DNMT1: variants seen among roughly 807,000 people sequenced by gnomAD.
DNMT1 encodes the protein DNA (cytosine-5)-methyltransferase 1.
A neutral mutation model predicts 205.3 loss-of-function variants in DNMT1; 24 were observed. The observed-to-expected ratio is 0.12, with a 90% confidence interval of 0.08 to 0.16. DNMT1 has a LOEUF of 0.16. DNMT1 is among the 10% of genes least tolerant of loss of function. The probability of loss-of-function intolerance (pLI) is 1.00; values close to 1 mark genes in which losing one functional copy is unlikely to be tolerated. For missense variants in DNMT1, 1,293 were observed against 2,177.7 expected (o/e 0.59, Z 8.09); for synonymous variants, 817 against 839.8 (o/e 0.97, Z 0.47).
chr19:10,175,086 C>T (rs915538998), intron 7 of DNMT1, among the ~76,000 whole-genome samples: 2 of 54,152 alleles, frequency 3.7e-5, no homozygotes, highest in Non-Finnish European at 7.9e-5. Flanking sequence ...TACATACATA[C>T]ACACACACAC....
rs1337257134 is a variant in DNMT1 at position 10,137,293 on chromosome 19, G to T, written c.4294-13C>A. 9 of 1,595,670 alleles carry T rather than the reference G, an allele frequency of 5.6e-6. No individual in the cohort carries two copies. Among genetic ancestry groups the T allele is most frequent in the African/African-American group, 2.7e-5 (2 of 74,660 alleles). On this transcript the variant is annotated splice_polypyrimidine_tract_variant and intron_variant, in intron 36 of 40. Coordinates refer to ENST00000359526, the MANE Select transcript of DNMT1 (RefSeq NM_001130823.3). This position sits in a 1 kb window ranked among gnomAD's most constrained non-coding sequence, Gnocchi z 6.4. ...ATGCACTCATGTCCTGAAAGAGTGT[G>T]GGGGGCCCAGCTGTCACCTCATGTG...
chr19:10,181,850 A>C lies in DNMT1; in HGVS notation c.117+191T>G, dbSNP rs367788440. ...TCTCAAAAAACAAAAACAACAACAA[A>C]AAAAAACACCACCACCACCCAACTA... On this transcript the variant is annotated intron_variant, in intron 2 of 40. Coordinates refer to ENST00000359526, the MANE Select transcript of DNMT1 (RefSeq NM_001130823.3). 1.8e-4 allele frequency among the ~76,000 whole-genome samples: 27 copies of C among 152,146 alleles called. No individual in the cohort carries two copies. In the South Asian group the frequency reaches 2.1e-3, roughly 12 times the overall value.
rs1318215996 is a variant in DNMT1 at position 10,149,148 on chromosome 19, A to AC, written c.2587-132dup. 25 of 1,300,660 alleles carry AC rather than the reference A, an allele frequency of 1.9e-5. No individual in the cohort carries two copies. The African/African-American group carries it at 3.4e-4, about 18-fold the overall frequency. 80.6% of individuals were successfully genotyped at this position (1,300,660 alleles called of 1,614,324 possible). Reference sequence around the variant, plus strand: ...AGACCAGCCTGGCCAACATGGTGAAACCCCGTCTCTACTAAAAATACAAAA... The same window carrying AC: ...AGACCAGCCTGGCCAACATGGTGAAACCCCCGTCTCTACTAAAAATACAAAA... On this transcript the variant is annotated intron_variant, in intron 26 of 40. Coordinates refer to ENST00000359526, the MANE Select transcript of DNMT1 (RefSeq NM_001130823.3).
In DNMT1 at chr19:10,143,782, C is replaced by G. The variant is rs2089647469; in HGVS notation, c.3100G>C (p.Val1034Leu). Reference sequence around the variant, plus strand: ...TCTGCTGACCTGTAGAACTTGTTGACCCGGATTTTGATGTCAGTCTCATTG... The same window carrying G: ...TCTGCTGACCTGTAGAACTTGTTGAGCCGGATTTTGATGTCAGTCTCATTG... ...RPNETDIKIRVNKFYRPENTH... is the reference protein window; with the variant it reads ...RPNETDIKIRLNKFYRPENTH... Residue 1034 changes from valine to leucine, a missense_variant, in exon 29 of 41, where the codon GTC (valine) becomes CTC (leucine). This residue lies in a region of DNMT1 where 167 missense variants were observed against 258.1 expected (regional missense o/e 0.65). Transcript: ENST00000359526. 1 of 1,613,960 alleles carries G rather than the reference C, an allele frequency of 6.2e-7. No homozygotes were observed.
At chr19:10,192,906 G>A (rs192241988) in intron 1 of DNMT1, among the ~76,000 whole-genome samples, 1 of 152,046 alleles carries the variant, frequency 6.6e-6, no homozygotes, top group East Asian at 1.9e-4. Context: ...AATTAGCCAG[G>A]CGTGGTGGTG....
Position 10,154,812 on chromosome 19 carries a change from C to G in DNMT1, c.1645-39G>C. ...AGGTTTCTCTCATGCTTAAGCCAAACTGGCCTAAATCCAACTGAAGAACAG... is the reference window on the plus strand; with the variant it reads ...AGGTTTCTCTCATGCTTAAGCCAAAGTGGCCTAAATCCAACTGAAGAACAG... On this transcript the variant is annotated intron_variant, in intron 20 of 40. Coordinates refer to ENST00000359526, the MANE Select transcript of DNMT1 (RefSeq NM_001130823.3). The surrounding 1 kb of genome is among the most constrained non-coding windows in gnomAD (Gnocchi z 6.3). The G allele has an allele frequency of 6.2e-7, 1 of 1,614,224 alleles. No individual in the cohort carries two copies. The highest frequency in any genetic ancestry group is 8.5e-7 in the Non-Finnish European group (1 of 1,180,044).
chr19:10,180,227 T>C lies in DNMT1; in HGVS notation c.453A>G (p.Arg151=), dbSNP rs1038239884. ...CTTGGGAGGCTGAGGCAGGAGGGTCTCTTGAACCTGGGAGGCAGAGGTTAC... is the reference window on the plus strand; with the variant it reads ...CTTGGGAGGCTGAGGCAGGAGGGTCCCTTGAACCTGGGAGGCAGAGGTTAC... ...SKSDGEAKRS[R]DPPASASQVT... is the part of the protein sequence containing the mutation. Residue 151 remains arginine (R), a synonymous_variant, in exon 5 of 41, where the codon AGA becomes AGG. Transcript: ENST00000359526. 4 of 1,202,414 alleles carry C rather than the reference T, an allele frequency of 3.3e-6. No individual in the cohort carries two copies. In the African/African-American group the frequency reaches 4.5e-5, roughly 14 times the overall value. The allele number at this position is 1,202,414 out of a possible 1,614,324, so 74.5% of individuals were successfully genotyped here.
At chr19:10,168,815 A>C (rs1285684571) in intron 9 of DNMT1, among the ~76,000 whole-genome samples, 4 of 152,176 alleles carry the variant, frequency 2.6e-5, no homozygotes, top group Non-Finnish European at 5.9e-5. Flanking sequence ...AGACACAACA[A>C]CACATCCTCT....
Position 10,154,340 on chromosome 19 carries a change from C to G in DNMT1, c.1972G>C (p.Glu658Gln), listed in dbSNP as rs756254318. Residue 658 changes from glutamate (E) to glutamine (Q), a missense_variant, in exon 22 of 41, where the codon GAA becomes CAA. By Grantham distance (29) the Glu-to-Gln change is conservative. Around this residue, in one of 13 missense-constraint regions of DNMT1, gnomAD observed 197 missense variants for 353.6 expected, o/e 0.56. Coordinates refer to ENST00000359526, the MANE Select transcript of DNMT1 (RefSeq NM_001130823.3). This position sits in a 1 kb window ranked among gnomAD's most constrained non-coding sequence, Gnocchi z 6.3. ...CGCTTAAAGGCGTTCTCCTTGTCTTCTCTGTCATCCTTTTCAATTTGCTCT... is the reference window on the plus strand; with the variant it reads ...CGCTTAAAGGCGTTCTCCTTGTCTTGTCTGTCATCCTTTTCAATTTGCTCT... The part of the protein sequence containing the change: ...FAEQIEKDDR[E>Q]DKENAFKRRR... 1.2e-6 allele frequency: 2 copies of G among 1,614,246 alleles called. No homozygotes were observed. Among genetic ancestry groups the G allele is most frequent in the Admixed American group, 3.3e-5 (2 of 60,034 alleles).
chr19:10,159,813 A>T lies in DNMT1; in HGVS notation c.1170+29T>A, dbSNP rs1245046894. On this transcript the variant is annotated intron_variant, in intron 16 of 40. Transcript: ENST00000359526. The surrounding 1 kb of genome is among the most constrained non-coding windows in gnomAD (Gnocchi z 5.0). ...GAGCAGTGGGACAAGGGACAGGCAGAGGAAGGCTGGGAAGAGAGCTGTACG... is the reference window on the plus strand; with the variant it reads ...GAGCAGTGGGACAAGGGACAGGCAGTGGAAGGCTGGGAAGAGAGCTGTACG... 6.2e-7 allele frequency: 1 copy of T among 1,614,106 alleles called. No individual in the cohort carries two copies. The highest frequency in any genetic ancestry group is 2.2e-5 in the East Asian group (1 of 44,894).
intron 1 of DNMT1, among the ~76,000 whole-genome samples, chr19:10,182,406 CATATATATGTGTATATATATGT>C (rs2039070627): frequency 1.4e-5 from 1 of 73,226 alleles, no homozygotes; most frequent in African/African-American, 5.1e-5. Flanking sequence ...TATATATATA[CATATATATGTGTATATATATGT>C]GTGTATATAT....
rs1430311136 is a variant in DNMT1, at chr19:10,166,656, G to C, written c.833C>G (p.Pro278Arg). The change falls in exon 11 of 41, where the codon CCG becomes CGG. Residue 278 changes from proline to arginine, a missense_variant. Physicochemically the swap from Pro to Arg is moderately radical, Grantham distance 103. This residue lies in a region of DNMT1 where 394 missense variants were observed against 451.6 expected (regional missense o/e 0.87). Coordinates refer to ENST00000359526, the MANE Select transcript of DNMT1 (RefSeq NM_001130823.3). ...CACGCCTGCCCTGGCTTCTCTGTCC[G>C]GCTCCTCCTTCAGTTTCTGTTTGGG... ...PTPKQKLKEE[P>R]DREARAGVQA... 1 of 1,614,140 alleles carries C rather than the reference G, an allele frequency of 6.2e-7. No individual in the cohort carries two copies. The highest frequency in any genetic ancestry group is 8.5e-7 in the Non-Finnish European group (1 of 1,180,016).
Position 10,173,139 on chromosome 19 carries a change from C to T in DNMT1, c.719G>A (p.Arg240Lys). ...TTCAGTGCGCGTTCCTGATTTTGCTCTTTCAGGTTCTTCTGCAGGAAGCGG... is the reference window on the plus strand; with the variant it reads ...TTCAGTGCGCGTTCCTGATTTTGCTTTTTCAGGTTCTTCTGCAGGAAGCGG... ...ARPLPAEEPE[R>K]AKSGTRTEKE... is the part of the protein sequence containing the mutation. The change falls in exon 9 of 41, where the codon AGA becomes AAA. Residue 240 changes from arginine to lysine, a missense_variant. Arg to Lys is a conservative substitution (Grantham distance 26). Coordinates refer to ENST00000359526, the MANE Select transcript of DNMT1 (RefSeq NM_001130823.3). 6.2e-7 allele frequency: 1 copy of T among 1,614,146 alleles called. No individual in the cohort carries two copies. The highest frequency in any genetic ancestry group is 8.5e-7 in the Non-Finnish European group (1 of 1,180,032).
At chr19:10,143,609 CATT>C (rs2089644496) in intron 29 of DNMT1, among the ~76,000 whole-genome samples, 154 bp downstream of exon 29, 1 of 152,102 alleles carries the variant, frequency 6.6e-6, no homozygotes, top group South Asian at 2.1e-4. Flanking sequence ...GAATTCTAGT[CATT>C]ATCAGTGCCC....
chr19:10,192,652 G>C (rs1037319054), intron 1 of DNMT1, among the ~76,000 whole-genome samples: 61 of 152,108 alleles, frequency 4.0e-4, no homozygotes, highest in African/African-American at 1.4e-3. Context: ...TCTCTGAATT[G>C]GGTGTAACAT....
At chr19:10,139,997 G>A in intron 33 of DNMT1, 49 bp downstream of exon 33, 1 of 1,601,846 alleles carries the variant, frequency 6.2e-7, no homozygotes. Context: ...CTGACATGCG[G>A]CACAGCCCCG....
At chr19:10,164,470 A>T (rs1489578516) in intron 11 of DNMT1, among the ~76,000 whole-genome samples, 2 of 152,122 alleles carry the variant, frequency 1.3e-5, no homozygotes, top group Non-Finnish European at 2.9e-5. Flanking sequence ...AAAAGTAGAC[A>T]TCCATGGTGG....
rs1167134440 is a variant in DNMT1 at position 10,156,700 on chromosome 19, C to A, written c.1281-191G>T. On this transcript the variant is annotated intron_variant, in intron 17 of 40. Transcript: ENST00000359526. The surrounding 1 kb of genome is among the most constrained non-coding windows in gnomAD (Gnocchi z 4.2). ...TGGCATAATCTTGGCTCACTGCAGC[C>A]TCCACCTCCCGGGTTCAAGTAATTC... Among the ~76,000 whole-genome samples, 5 of 152,188 alleles carry A rather than the reference C, an allele frequency of 3.3e-5. No homozygotes were observed. Among genetic ancestry groups the A allele is most frequent in the Admixed American group, 2.0e-4 (3 of 15,276 alleles).
chr19:10,182,478 CATAT>C (rs1236861107), intron 1 of DNMT1, among the ~76,000 whole-genome samples: 1 of 108,780 alleles, frequency 9.2e-6, no homozygotes, highest in Non-Finnish European at 1.9e-5. Flanking sequence ...TATATATATA[CATAT>C]ATATGTGTAT....
Sources: gnomAD v4.1 joint callset for allele counts (sites outside exome capture counted in the v4.1 genomes callset) on GRCh38, gnomAD v4.1.1 for gene constraint, gnomAD v4.1.1 regional missense constraint, Gnocchi (gnomAD v3.1) non-coding constraint, MANE v1.5 for transcripts, NCBI Gene and HGNC (gene_info 2026-07-23, HGNC 2026-07-21) for gene names.